FER1L6: variants seen among roughly 807,000 people sequenced by gnomAD.
FER1L6 encodes the protein fer-1 like family member 6, also known as fer-1-like protein 6.
Under a neutral mutation model 219.2 loss-of-function variants are expected in FER1L6, and 177 were observed. The observed-to-expected ratio is 0.81, with a 90% CI of 0.71 to 0.91. FER1L6 has a LOEUF of 0.91. Ranked by LOEUF, FER1L6 falls within the 40% of genes least tolerant of loss-of-function variation. FER1L6 has a pLI of 0.00. For missense variants in FER1L6, 2,153 were observed against 2,259.9 expected (o/e 0.95, Z 0.96); for synonymous variants, 768 against 824.3 (o/e 0.93, Z 1.17).
intron 1 of FER1L6, among the ~76,000 whole-genome samples, chr8:123,948,586 A>G (rs1814605390): frequency 6.6e-6 from 1 of 152,136 alleles, no homozygotes; most frequent in Admixed American, 6.5e-5. Context: ...ATGCTATTAT[A>G]AAATCTTTTA....
chr8:123,989,055 T>C (rs953140558), intron 12 of FER1L6, among the ~76,000 whole-genome samples: 1 of 151,836 alleles, frequency 6.6e-6, no homozygotes, highest in Admixed American at 6.6e-5. Context: ...TTAAATTTTA[T>C]CAAATGCTTT....
intron 18 of FER1L6, among the ~76,000 whole-genome samples, chr8:124,030,079 G>A (rs1818890334): frequency 6.6e-6 from 1 of 152,156 alleles, no homozygotes; most frequent in South Asian, 2.1e-4. Context: ...GGTTGTAGAT[G>A]TGTGGTGTTA....
At chr8:124,071,740 A>C in intron 31 of FER1L6, 109 bp downstream of exon 31, 1 of 1,344,868 alleles carries the variant, frequency 7.4e-7, no homozygotes, top group South Asian at 1.4e-5. Flanking sequence ...ACTTTCCCAC[A>C]GTTTTGAATG....
chr8:123,914,533 C>A (rs1220781474), intron 1 of FER1L6, among the ~76,000 whole-genome samples: 6 of 152,102 alleles, frequency 3.9e-5, no homozygotes, highest in Admixed American at 3.9e-4. Context: ...ACACCCCCAA[C>A]CCCCAATCCC....
chr8:124,115,434 A>C (rs1056518501), intron 39 of FER1L6, among the ~76,000 whole-genome samples: 6 of 152,058 alleles, frequency 3.9e-5, no homozygotes, highest in African/African-American at 1.4e-4. Flanking sequence ...CGACCGTTCT[A>C]GCAGGGTGGT....
intron 12 of FER1L6, among the ~76,000 whole-genome samples, chr8:123,991,066 T>C (rs1354740017): frequency 2.6e-5 from 4 of 152,240 alleles, no homozygotes; most frequent in Non-Finnish European, 4.4e-5. Flanking sequence ...TCTATTGGTC[T>C]ATGTATCTGC....
intron 22 of FER1L6, among the ~76,000 whole-genome samples, chr8:124,055,267 C>T (rs1820233689): frequency 6.6e-6 from 1 of 152,034 alleles, no homozygotes; most frequent in Non-Finnish European, 1.5e-5. Context: ...GGCGAGACCA[C>T]ATCTCTACAA....
Position 124,114,895 on chromosome 8 carries a change from G to GTGTA in FER1L6, c.5290-3948_5290-3947insGTAT, listed in dbSNP as rs368797867. ...ACATATATATGCAGTGTGTGTGTGC[G>GTGTA]TATATATATATATATATATATATAT... On this transcript the variant is annotated intron_variant, in intron 39 of 40. Coordinates refer to ENST00000522917, the MANE Select transcript of FER1L6 (RefSeq NM_001039112.2). Among the ~76,000 whole-genome samples, 215 of 90,060 alleles carry GTGTA rather than the reference G, an allele frequency of 2.4e-3. 6 individuals carry two copies. The highest frequency in any genetic ancestry group is 7.2e-3 in the African/African-American group (184 of 25,720). The allele number at this position is 90,060 out of a possible 152,430, so 59.1% of individuals were successfully genotyped here. A position where few individuals can be genotyped will look rare whatever the true frequency, so the allele number is the denominator to read the frequency against.
intron 16 of FER1L6, 149 bp from the exon 17 acceptor site, chr8:124,021,401 G>A (rs1266596167): frequency 1.1e-6 from 1 of 910,500 alleles, no homozygotes; most frequent in Admixed American, 2.3e-5. Flanking sequence ...CCACCAAGGA[G>A]GCAGCATGCA....
intron 1 of FER1L6, among the ~76,000 whole-genome samples, chr8:123,893,053 A>C (rs1001745649): frequency 6.6e-6 from 1 of 152,168 alleles, no homozygotes; most frequent in African/African-American, 2.4e-5. Context: ...TTATTATGTT[A>C]AATTGTTGTA....
chr8:124,039,079 T>C (rs911869710), intron 19 of FER1L6, among the ~76,000 whole-genome samples: 6 of 152,178 alleles, frequency 3.9e-5, no homozygotes, highest in Non-Finnish European at 7.4e-5. Context: ...ACCTGAGGCC[T>C]CCTATCCCAG....
In FER1L6 at chr8:124,049,654, G is replaced by A. The variant is rs4870887; in HGVS notation, c.2772G>A (p.Lys924=). ...CCACAGTGGCTGCTCCTGTTGTGAA[G>A]CTGGCTGACCAGGACTATGAGCCCC... is the stretch of plus-strand genomic sequence containing the variant. ...LGATVAAPVV[K]LADQDYEPPR... Residue 924 remains lysine (K), a synonymous_variant, in exon 22 of 41, where the codon AAG becomes AAA. Transcript: ENST00000522917. The A allele has an allele frequency of 0.48, 779,427 of 1,613,390 alleles. 189,328 individuals carry two copies. Among genetic ancestry groups the A allele is most frequent in the Middle Eastern group, 0.53 (3,185 of 5,968 alleles).
Position 124,003,336 on chromosome 8 carries a change from A to G in FER1L6, c.1689A>G (p.Thr563=). Residue 563 remains threonine (T), a synonymous_variant, in exon 13 of 41, where the codon ACA becomes ACG. Transcript: ENST00000522917. ...CTCACCCGGAGAAGCCACTGGTGAC[A>G]GAAGGGAACAGGTAGGAGACATAGC... ...STTHPEKPLV[T]EGNRNYNYLP... is the part of the protein sequence containing the mutation. 1 of 1,612,624 alleles carries G rather than the reference A, an allele frequency of 6.2e-7. No individual in the cohort carries two copies. The highest frequency in any genetic ancestry group is 8.5e-7 in the Non-Finnish European group (1 of 1,179,706).
chr8:124,064,124 G>C (rs949072623), intron 25 of FER1L6, among the ~76,000 whole-genome samples: 1 of 152,182 alleles, frequency 6.6e-6, no homozygotes, highest in African/African-American at 2.4e-5. Context: ...ACCATTTATT[G>C]ATGACCCATT....
At chr8:123,943,161 A>T (rs1311739832) in intron 1 of FER1L6, among the ~76,000 whole-genome samples, 3 of 152,228 alleles carry the variant, frequency 2.0e-5, no homozygotes, top group South Asian at 4.1e-4. Context: ...GCTAGAACTT[A>T]CCAAAAGTAA....
chr8:123,902,713 G>C (rs2129738711), intron 1 of FER1L6, among the ~76,000 whole-genome samples: 1 of 152,246 alleles, frequency 6.6e-6, no homozygotes, highest in Non-Finnish European at 1.5e-5. Flanking sequence ...GGCAGCAAAT[G>C]GTTGGTGAGT....
At position 124,004,953 on chromosome 8, in the gene FER1L6, G is replaced by A. The variant is rs547305083; in HGVS notation, c.1700+1606G>A. Among the ~76,000 whole-genome samples the A allele has an allele frequency of 4.0e-5, 6 of 149,440 alleles. No homozygotes were observed. In the South Asian group the frequency reaches 8.5e-4, roughly 21 times the overall value. Reference sequence around the variant, plus strand: ...GCAGAGGTTGCAGTGAGCAGAGATCGCACCACTGCACTCCAGCCTGGGCGA... The same window carrying A: ...GCAGAGGTTGCAGTGAGCAGAGATCACACCACTGCACTCCAGCCTGGGCGA... On this transcript the variant is annotated intron_variant, in intron 13 of 40. Coordinates refer to ENST00000522917, the MANE Select transcript of FER1L6 (RefSeq NM_001039112.2).
At chr8:124,079,892 T>G (rs1281733303) in intron 32 of FER1L6, among the ~76,000 whole-genome samples, 3 of 152,178 alleles carry the variant, frequency 2.0e-5, no homozygotes, top group Non-Finnish European at 1.5e-5. Flanking sequence ...GAGTCATCCC[T>G]GTGAAACCTT....
chr8:123,897,458 C>T (rs1359860093), intron 1 of FER1L6, among the ~76,000 whole-genome samples: 1 of 152,150 alleles, frequency 6.6e-6, no homozygotes, highest in East Asian at 1.9e-4. Context: ...CAAATGGAGA[C>T]CTGAATCCCC....
Sources: gnomAD v4.1 joint callset for allele counts (sites outside exome capture counted in the v4.1 genomes callset) on GRCh38, gnomAD v4.1.1 for gene constraint, MANE v1.5 for transcripts, NCBI Gene and HGNC (gene_info 2026-07-23, HGNC 2026-07-21) for gene names.